The following PKHD1 variants were observed in gnomAD, a reference collection of about 807,000 sequenced individuals.
PKHD1 encodes the protein fibrocystin.
In PKHD1, 291 loss-of-function variants were observed where a neutral mutation model predicts 412.0. That is an observed-to-expected ratio of 0.71 (90% confidence interval 0.64 to 0.78). The LOEUF is 0.78. PKHD1 is among the 30% of genes least tolerant of loss of function. PKHD1 has a pLI of 0.00. For missense variants in PKHD1, 4,825 were observed against 4,950.7 expected (o/e 0.97, Z 0.76); for synonymous variants, 1,777 against 1,821.5 (o/e 0.98, Z 0.62).
At chr6:52,053,699 C>A (rs114554426) in intron 20 of PKHD1, among the ~76,000 whole-genome samples, 1 of 152,150 alleles carries the variant, frequency 6.6e-6, no homozygotes, top group Non-Finnish European at 1.5e-5. Flanking sequence ...TCCAGGGTCA[C>A]TAGCTGAATG....
intron 27 of PKHD1, among the ~76,000 whole-genome samples, chr6:52,038,962 G>T (rs1051334146): frequency 1.3e-5 from 2 of 152,160 alleles, no homozygotes; most frequent in African/African-American, 4.8e-5. Context: ...CACACAATGG[G>T]AGAAAATATT....
In PKHD1 at chr6:51,754,934, T is replaced by A; in HGVS notation, c.8647A>T (p.Ile2883Leu). The part of the protein sequence containing the change: ...ADIASGNERI[I>L]VEDAVDWRPH... Reference sequence around the variant, plus strand: ...CGCCAATCCACTGCATCTTCTACTATAATTCTGTAACAGCATAACAATGGC... The same window carrying A: ...CGCCAATCCACTGCATCTTCTACTAAAATTCTGTAACAGCATAACAATGGC... Residue 2883 changes from isoleucine to leucine, a missense_variant, in exon 56 of 67, where the codon ATA (isoleucine) becomes TTA (leucine). Transcript: ENST00000371117. 6.2e-7 allele frequency: 1 copy of A among 1,612,716 alleles called. No individual in the cohort carries two copies. Among genetic ancestry groups the A allele is most frequent in the Non-Finnish European group, 8.5e-7 (1 of 1,178,772 alleles).
rs189692839 is a variant in PKHD1 at position 51,891,357 on chromosome 6, G to A, written c.6997-4112C>T. On this transcript the variant is annotated intron_variant, in intron 43 of 66. Transcript: ENST00000371117. ...TGCAATGGCACGATCTCGGCTCACC[G>A]CAACCTCCACCTCCCGGATTCAAGC... 4.5e-3 allele frequency among the ~76,000 whole-genome samples: 692 copies of A among 152,118 alleles called. 12 individuals are homozygous for A. The highest frequency in any genetic ancestry group is 0.016 in the African/African-American group (667 of 41,526).
chr6:51,701,133 T>C (rs548058858), intron 60 of PKHD1, among the ~76,000 whole-genome samples: 115 of 152,232 alleles, frequency 7.6e-4, no homozygotes, highest in African/African-American at 2.7e-3. Context: ...GAGATATAAA[T>C]TTTGAATAAC....
intron 35 of PKHD1, among the ~76,000 whole-genome samples, chr6:51,981,329 C>T (rs77999549): frequency 1.1e-4 from 1 of 8,986 alleles, no homozygotes; most frequent in Non-Finnish European, 3.9e-4. Context: ...CTCCCTCTCC[C>T]TCTCCCTCTC....
chr6:51,972,994 AC>A (rs1405533672), intron 35 of PKHD1, among the ~76,000 whole-genome samples: 6 of 152,276 alleles, frequency 3.9e-5, no homozygotes, highest in South Asian at 2.1e-4. Context: ...GACAGAAAAA[AC>A]ATCTGCATTT....
At chr6:51,663,627 G>A (rs1403896208) in intron 60 of PKHD1, among the ~76,000 whole-genome samples, 2 of 152,096 alleles carry the variant, frequency 1.3e-5, no homozygotes, top group East Asian at 3.9e-4. Flanking sequence ...GATATGTAAT[G>A]TCCTTTTCAA....
chr6:51,722,099 A>G (rs1781997939), intron 60 of PKHD1: 1 of 1,609,930 alleles, frequency 6.2e-7, no homozygotes, highest in African/African-American at 1.3e-5. Flanking sequence ...TCTTCTCGGC[A>G]TGCTTTCCAC....
chr6:51,887,887 G>C (rs1778469238), intron 43 of PKHD1, among the ~76,000 whole-genome samples: 2 of 152,192 alleles, frequency 1.3e-5, no homozygotes, highest in African/African-American at 4.8e-5. Context: ...AGCTCAACTA[G>C]ACTGCAATTT....
intron 43 of PKHD1, among the ~76,000 whole-genome samples, chr6:51,899,144 G>A (rs2127600629): frequency 6.6e-6 from 1 of 152,236 alleles, no homozygotes; most frequent in Admixed American, 6.5e-5. Flanking sequence ...GAAAAAGAGG[G>A]AATCCTCCCT....
intron 53 of PKHD1, 28 bp downstream of exon 53, chr6:51,791,208 T>G: frequency 6.2e-7 from 1 of 1,609,840 alleles, no homozygotes; most frequent in African/African-American, 1.3e-5. Flanking sequence ...ATTCTCAACA[T>G]GCTCGCAATC....
At chr6:51,725,396 CCT>C (rs1026125547) in intron 60 of PKHD1, among the ~76,000 whole-genome samples, 4 of 152,114 alleles carry the variant, frequency 2.6e-5, no homozygotes, top group African/African-American at 9.7e-5. Flanking sequence ...AAACCTTGCC[CCT>C]GTTTTGGAAG....
At position 52,065,985 on chromosome 6, in the gene PKHD1, TA is replaced by T; in HGVS notation, c.870del (p.Thr291ProfsTer28). ...TGDFFDNSAQVTIAGIPCDIR... is the reference protein window; with the variant it reads ...TGDFFDNSAQXTIAGIPCDIR... ...ATTTCATCATAGTTACCTGCAATGG[TA>T]ACCTGGGCAGAATTGTCAAAAAAGT... On this transcript the variant is annotated frameshift_variant, in exon 12 of 67. Transcript: ENST00000371117. LOFTEE classifies it high-confidence loss of function. 6.5e-7 allele frequency: 1 copy of T among 1,528,398 alleles called. No individual in the cohort carries two copies. The highest frequency in any genetic ancestry group is 9.1e-7 in the Non-Finnish European group (1 of 1,101,874). 94.7% of individuals were successfully genotyped at this position (1,528,398 alleles called of 1,614,324 possible).
At chr6:51,634,069 A>G (rs1453345608) in intron 64 of PKHD1, among the ~76,000 whole-genome samples, 1 of 152,178 alleles carries the variant, frequency 6.6e-6, no homozygotes, top group Admixed American at 6.6e-5. Context: ...ATTTAAAAAA[A>G]AAAAACTTGT....
At chr6:51,814,942 G>C (rs921048883) in intron 52 of PKHD1, among the ~76,000 whole-genome samples, 1 of 151,756 alleles carries the variant, frequency 6.6e-6, no homozygotes, top group African/African-American at 2.4e-5. Flanking sequence ...ATAAATAAAT[G>C]CTAATGTAGA....
intron 11 of PKHD1, among the ~76,000 whole-genome samples, chr6:52,068,185 TAAGGCTCAAAAAGCTTAA>T: frequency 6.6e-6 from 1 of 152,296 alleles, no homozygotes; most frequent in East Asian, 1.9e-4. Flanking sequence ...GATGCTTAAT[TAAGGCTCAAAAAGCTTAA>T]AAGGCTTAAC....
intron 50 of PKHD1, among the ~76,000 whole-genome samples, chr6:51,847,369 T>C (rs1195355179): frequency 6.6e-6 from 1 of 151,886 alleles, no homozygotes; most frequent in Non-Finnish European, 1.5e-5. Flanking sequence ...TGTGCAGTTG[T>C]TCCACTACAA....
chr6:51,940,249 C>G (rs1454213840), intron 36 of PKHD1, among the ~76,000 whole-genome samples: 1 of 151,610 alleles, frequency 6.6e-6, no homozygotes, highest in Non-Finnish European at 1.5e-5. Context: ...GCCCTCAAAC[C>G]CCACAACAGG....
chr6:51,638,714 C>A (rs567721619), intron 64 of PKHD1, 135 bp downstream of exon 64: 3 of 687,038 alleles, frequency 4.4e-6, no homozygotes, highest in Middle Eastern at 4.1e-4. Flanking sequence ...ATGATACAGT[C>A]AAGTGAATTT....
Sources: gnomAD v4.1 joint callset for allele counts (sites outside exome capture counted in the v4.1 genomes callset) on GRCh38, gnomAD v4.1.1 for gene constraint, MANE v1.5 for transcripts, NCBI Gene and HGNC (gene_info 2026-07-23, HGNC 2026-07-21) for gene names.